Variants in CGGBP1 observed in about 807,000 individuals in gnomAD.
CGGBP1 encodes CGG triplet repeat-binding protein 1.
In CGGBP1, 4 loss-of-function variants were observed where a neutral mutation model predicts 11.4. The ratio of observed to expected loss-of-function variants is 0.35; its 90% CI spans 0.17 to 0.80. The LOEUF is 0.80. Ranked by LOEUF, CGGBP1 falls within the 30% of genes least tolerant of loss-of-function variation. The pLI is 0.52. For missense variants in CGGBP1, 135 were observed against 202.1 expected (o/e 0.67, Z 2.01); for synonymous variants, 76 against 74.1 (o/e 1.03, Z -0.13).
intron 2 of CGGBP1, among the ~76,000 whole-genome samples, chr3:88,103,379 C>T (rs1252918106): frequency 1.3e-5 from 2 of 152,070 alleles, no homozygotes; most frequent in Non-Finnish European, 2.9e-5. Flanking sequence ...CTTTAGTAGA[C>T]TTAATGCAGC....
At chr3:88,133,795 A>G (rs1198340008) in intron 2 of CGGBP1, among the ~76,000 whole-genome samples, 2 of 152,168 alleles carry the variant, frequency 1.3e-5, no homozygotes, top group Non-Finnish European at 2.9e-5. Context: ...CATGTGTAAA[A>G]TTAAAGGGCC....
intron 2 of CGGBP1, among the ~76,000 whole-genome samples, chr3:88,108,906 G>A (rs1704909482): frequency 6.6e-6 from 1 of 152,052 alleles, no homozygotes; most frequent in African/African-American, 2.4e-5. Context: ...AATTGTGAGG[G>A]ACAAAGAAAT....
chr3:88,098,801 A>T (rs550247935), intron 2 of CGGBP1, among the ~76,000 whole-genome samples: 1 of 152,254 alleles, frequency 6.6e-6, no homozygotes, highest in African/African-American at 2.4e-5. Flanking sequence ...CTAAATAAAA[A>T]CTCTCAATAA....
intron 2 of CGGBP1, among the ~76,000 whole-genome samples, chr3:88,083,405 C>T (rs868695002): frequency 2.0e-5 from 3 of 152,182 alleles, no homozygotes; most frequent in Middle Eastern, 6.8e-3. Flanking sequence ...TATACTATAT[C>T]CCATTTAGAG....
intron 2 of CGGBP1, among the ~76,000 whole-genome samples, chr3:88,119,320 G>A (rs1705613724): frequency 9.5e-5 from 13 of 136,176 alleles, no homozygotes; most frequent in Admixed American, 1.5e-4. Context: ...TCACTCATAG[G>A]TGGGAATTGA....
chr3:88,075,824 A>G (rs912776404), intron 2 of CGGBP1, among the ~76,000 whole-genome samples: 1 of 152,196 alleles, frequency 6.6e-6, no homozygotes, highest in African/African-American at 2.4e-5. Flanking sequence ...TTAGAGAAGG[A>G]AAGTCAAGGA....
intron 2 of CGGBP1, among the ~76,000 whole-genome samples, chr3:88,067,512 G>A (rs912859336): frequency 3.3e-5 from 5 of 152,170 alleles, no homozygotes; most frequent in Non-Finnish European, 7.4e-5. Context: ...TAAAGCTTGA[G>A]GAGCCTCAAA....
chr3:88,059,268 A>ACGG (rs565177779), upstream of CGGBP1: 458 of 1,531,676 alleles, frequency 3.0e-4, 1 homozygote, highest in South Asian at 5.1e-4. Flanking sequence ...CTAGGCATCT[A>ACGG]CGGCGGCGGC....
chr3:88,116,216 C>T (rs1705380511), intron 2 of CGGBP1, among the ~76,000 whole-genome samples: 1 of 151,846 alleles, frequency 6.6e-6, no homozygotes, highest in South Asian at 2.1e-4. Context: ...ACTTTTATAC[C>T]CACATTAAAA....
At chr3:88,103,742 GA>G (rs1704568623) in intron 2 of CGGBP1, among the ~76,000 whole-genome samples, 1 of 148,274 alleles carries the variant, frequency 6.7e-6, no homozygotes, top group African/African-American at 2.5e-5. Context: ...TTAAAGTGAT[GA>G]AAGAAAGAGA....
At chr3:88,136,136 CA>C (rs1706770194) in intron 2 of CGGBP1, among the ~76,000 whole-genome samples, 1 of 152,046 alleles carries the variant, frequency 6.6e-6, no homozygotes, top group Non-Finnish European at 1.5e-5. Context: ...CACGTCTTAA[CA>C]TTTGATGTGC....
intron 2 of CGGBP1, among the ~76,000 whole-genome samples, chr3:88,079,697 T>A (rs537243154): frequency 8.6e-5 from 13 of 152,012 alleles, no homozygotes; most frequent in Admixed American, 2.0e-4. Context: ...ACAGTATGAT[T>A]GTATGGAATA....
chr3:88,119,455 G>C (rs1291709721), intron 2 of CGGBP1, among the ~76,000 whole-genome samples: 2 of 147,028 alleles, frequency 1.4e-5, no homozygotes, highest in Non-Finnish European at 3.0e-5. Flanking sequence ...TGACGAGTTA[G>C]TGGGTGTGCG....
intron 2 of CGGBP1, among the ~76,000 whole-genome samples, chr3:88,094,104 CTT>C (rs11449650): frequency 6.8e-6 from 1 of 147,904 alleles, no homozygotes; most frequent in Non-Finnish European, 1.5e-5. Flanking sequence ...AGATAATATT[CTT>C]TTTTTTTTTT....
At chr3:88,146,609 A>C (rs1205168262) in intron 1 of CGGBP1, among the ~76,000 whole-genome samples, 2 of 152,044 alleles carry the variant, frequency 1.3e-5, no homozygotes, top group Non-Finnish European at 2.9e-5. Flanking sequence ...AATTTTGCTA[A>C]ATTTCTCTTC....
At chr3:88,096,567 A>T (rs1447148543) in intron 2 of CGGBP1, among the ~76,000 whole-genome samples, 3 of 152,008 alleles carry the variant, frequency 2.0e-5, no homozygotes, top group Non-Finnish European at 4.4e-5. Flanking sequence ...TAGATTGGCA[A>T]TTTTTTTCTT....
At chr3:88,095,629 C>A in intron 2 of CGGBP1, 1 of 512,546 alleles carries the variant, frequency 2.0e-6, no homozygotes, top group South Asian at 1.4e-5. Context: ...AGTCTTATCT[C>A]GAAGCCCCAA....
At chr3:88,103,226 C>T (rs1411322327) in intron 2 of CGGBP1, among the ~76,000 whole-genome samples, 10 of 151,842 alleles carry the variant, frequency 6.6e-5, no homozygotes, top group African/African-American at 2.2e-4. Context: ...AACTAGATCC[C>T]GATATAAAGG....
intron 2 of CGGBP1, among the ~76,000 whole-genome samples, chr3:88,117,580 A>G (rs1391408103): frequency 6.6e-6 from 1 of 152,216 alleles, no homozygotes; most frequent in Non-Finnish European, 1.5e-5. Context: ...AAATGGGGTC[A>G]TTACAGAATA....
Sources: gnomAD v4.1 joint callset for allele counts (sites outside exome capture counted in the v4.1 genomes callset) on GRCh38, gnomAD v4.1.1 for gene constraint, MANE v1.5 for transcripts, NCBI Gene and HGNC (gene_info 2026-07-23, HGNC 2026-07-21) for gene names.